Variants in HSPA14 observed in about 807,000 individuals in gnomAD.
The protein encoded by HSPA14 is heat shock 70 kDa protein 14.
HSPA14 carries 37 observed loss-of-function variants against 65.5 expected under a neutral mutation model. The ratio of observed to expected loss-of-function variants is 0.56; its 90% confidence interval spans 0.43 to 0.74. The LOEUF (loss-of-function observed/expected upper bound fraction) is 0.74. Ranked by LOEUF, HSPA14 falls within the 30% of genes least tolerant of loss-of-function variation. The pLI, the probability that HSPA14 is intolerant of heterozygous loss-of-function variation, is 0.00. For synonymous variants in HSPA14, 203 were observed against 214.2 expected, an observed-to-expected ratio of 0.95 and a Z score of 0.46; for missense variants, 564 against 607.6, an observed-to-expected ratio of 0.93 and a Z score of 0.75.
chr10:14,841,818 G>A (rs566969346), intron 3 of HSPA14, among the ~76,000 whole-genome samples: 4 of 152,358 alleles, frequency 2.6e-5, no homozygotes, highest in Admixed American at 6.5e-5. Context: ...CCGTGGTCAT[G>A]CTTGGACTCC....
chr10:14,839,438 G>C (rs1376797715), intron 1 of HSPA14, among the ~76,000 whole-genome samples: 1 of 152,018 alleles, frequency 6.6e-6, no homozygotes, highest in African/African-American at 2.4e-5. Flanking sequence ...AGCCGGGAAC[G>C]CCTGTAATCC....
chr10:14,864,961 C>T (rs1304826039), intron 10 of HSPA14, among the ~76,000 whole-genome samples: 1 of 152,112 alleles, frequency 6.6e-6, no homozygotes, highest in Non-Finnish European at 1.5e-5. Context: ...GTTCCTATTT[C>T]TCCACATCCT....
In HSPA14 at chr10:14,845,163, C is replaced by T. The variant is rs975720359; in HGVS notation, c.222-3446C>T. On this transcript the variant is annotated intron_variant, in intron 3 of 13. Transcript: ENST00000378372. ...GGGGAGAGATGAAGGTGATAAGCCACACTTCCGATTTACTCTAGAAGGGAA... is the reference window on the plus strand; with the variant it reads ...GGGGAGAGATGAAGGTGATAAGCCATACTTCCGATTTACTCTAGAAGGGAA... 1.4e-5 allele frequency: 14 copies of T among 985,332 alleles called. No individual in the cohort carries two copies. The African/African-American group carries it at 2.4e-4, about 17-fold the overall frequency. 61.0% of individuals were successfully genotyped at this position (985,332 alleles called of 1,614,324 possible). A position where few individuals can be genotyped will look rare whatever the true frequency, so the allele number is the denominator to read the frequency against.
At chr10:14,871,460 C>T in intron 13 of HSPA14, 68 bp from the exon 14 acceptor site, 1 of 901,752 alleles carries the variant, frequency 1.1e-6, no homozygotes. Context: ...CCTCAAGTAA[C>T]TTGTTACAGA....
Position 14,838,472 on chromosome 10 carries a change from G to A in HSPA14, c.57+13G>A, listed in dbSNP as rs1237033622. 2 of 1,598,852 alleles carry A rather than the reference G, an allele frequency of 1.3e-6. No individual in the cohort carries two copies. Among genetic ancestry groups the A allele is most frequent in the Non-Finnish European group, 1.7e-6 (2 of 1,174,932 alleles). On this transcript the variant is annotated intron_variant, in intron 1 of 13. Coordinates refer to ENST00000378372, the MANE Select transcript of HSPA14 (RefSeq NM_016299.4). ...GGCCGTCTATAAGGTGAGGGGCTGCGGAGCTGGGCTAGGGCTTCATGACGG... is the reference window on the plus strand; with the variant it reads ...GGCCGTCTATAAGGTGAGGGGCTGCAGAGCTGGGCTAGGGCTTCATGACGG...
At chr10:14,864,202 C>T (rs1443349666) in intron 10 of HSPA14, among the ~76,000 whole-genome samples, 1 of 148,722 alleles carries the variant, frequency 6.7e-6, no homozygotes, top group Admixed American at 6.7e-5. Context: ...GCAACTCCAG[C>T]CCGGGTGACA....
rs758600095 is a variant in HSPA14 at position 14,870,705 on chromosome 10, T to G, written c.1451+38T>G. ...ACTTCTGTTGTTAAGAAAATTCAAT[T>G]TGATACTTGACCATTTTTTGAGTTT... On this transcript the variant is annotated intron_variant, in intron 13 of 13. Coordinates refer to ENST00000378372, the MANE Select transcript of HSPA14 (RefSeq NM_016299.4). The G allele has an allele frequency of 2.7e-6, 4 of 1,484,306 alleles. No homozygotes were observed. The Middle Eastern group carries it at 5.5e-4, about 205-fold the overall frequency. The allele number at this position is 1,484,306 out of a possible 1,614,324, so 91.9% of individuals were successfully genotyped here. A position where few individuals can be genotyped will look rare whatever the true frequency, so the allele number is the denominator to read the frequency against.
chr10:14,850,226 C>T (rs182098360), intron 6 of HSPA14, among the ~76,000 whole-genome samples: 4 of 151,084 alleles, frequency 2.6e-5, no homozygotes, highest in East Asian at 3.9e-4. Context: ...GAGCCAAAGT[C>T]GCGCCACTCC....
chr10:14,865,655 A>T (rs1283085609), intron 10 of HSPA14, among the ~76,000 whole-genome samples: 2 of 152,040 alleles, frequency 1.3e-5, no homozygotes, highest in African/African-American at 2.4e-5. Flanking sequence ...ATTATTTCTG[A>T]GGGCTCTGTT....
intron 3 of HSPA14, chr10:14,843,395 A>T: frequency 6.4e-7 from 1 of 1,550,862 alleles, no homozygotes; most frequent in Non-Finnish European, 8.7e-7. Flanking sequence ...ACCCCCAGCT[A>T]CAGCAGCTCC....
At chr10:14,845,784 ACTC>A (rs1258693368) in intron 3 of HSPA14, 1 of 171,108 alleles carries the variant, frequency 5.8e-6, no homozygotes, top group Non-Finnish European at 1.2e-5. Flanking sequence ...CTAGTCTTGA[ACTC>A]CTGACCTCAG....
intron 10 of HSPA14, among the ~76,000 whole-genome samples, 160 bp from the exon 11 acceptor site, chr10:14,866,921 TTG>T (rs1036532325): frequency 6.6e-6 from 1 of 152,212 alleles, no homozygotes; most frequent in African/African-American, 2.4e-5. Flanking sequence ...AAATATATGT[TTG>T]TGTATTTATA....
In HSPA14 at chr10:14,842,471, C is replaced by T. The variant is rs1444991284; in HGVS notation, c.221+2314C>T. On this transcript the variant is annotated intron_variant, in intron 3 of 13. Transcript: ENST00000378372. This position sits in a 1 kb window ranked among gnomAD's most constrained non-coding sequence, Gnocchi z 5.2. ...CTTCCGCCGCACCGAACGTCAGTGC[C>T]GCTCCAAGTTTAAAGTTCTGAAGGC... 1.8e-5 allele frequency: 28 copies of T among 1,536,014 alleles called. No homozygotes were observed. The highest frequency in any genetic ancestry group is 2.3e-5 in the Non-Finnish European group (26 of 1,146,916).
chr10:14,851,011 T>A (rs1447662405), intron 6 of HSPA14: 3 of 451,842 alleles, frequency 6.6e-6, no homozygotes, highest in Non-Finnish European at 1.2e-5. Context: ...GAATATGGGC[T>A]CTGAACATTA....
chr10:14,857,521 T>C (rs752428987), intron 10 of HSPA14, among the ~76,000 whole-genome samples: 2 of 152,262 alleles, frequency 1.3e-5, no homozygotes, highest in Non-Finnish European at 2.9e-5. Flanking sequence ...AGGATTTTTT[T>C]AAATGTTTAT....
chr10:14,844,442 G>A (rs1378683450), intron 3 of HSPA14: 2 of 991,840 alleles, frequency 2.0e-6, no homozygotes, highest in Non-Finnish European at 2.4e-6. Context: ...CTGCTTCATG[G>A]AGTTTGAAAT....
At chr10:14,850,299 A>G (rs1458017210) in intron 6 of HSPA14, among the ~76,000 whole-genome samples, 1 of 152,078 alleles carries the variant, frequency 6.6e-6, no homozygotes, top group African/African-American at 2.4e-5. Context: ...GAGAACATAA[A>G]ATTAAATATG....
chr10:14,871,433 C>A, intron 13 of HSPA14, 95 bp from the exon 14 acceptor site: 1 of 703,810 alleles, frequency 1.4e-6, no homozygotes, highest in Middle Eastern at 2.4e-4. Flanking sequence ...TAAAATTAAC[C>A]CTTGTTTACT....
In HSPA14 at chr10:14,861,936, C is replaced by T. The variant is rs537305742; in HGVS notation, c.994-5147C>T. On this transcript the variant is annotated intron_variant, in intron 10 of 13. Coordinates refer to ENST00000378372, the MANE Select transcript of HSPA14 (RefSeq NM_016299.4). ...CTGAGGCAGGAGAACCGCTTGAACC[C>T]GGGAGGTGGAGGTTGCAGTGAGCCG... Among the ~76,000 whole-genome samples, 13 of 151,018 alleles carry T rather than the reference C, an allele frequency of 8.6e-5. No homozygotes were observed. In the South Asian group the frequency reaches 1.9e-3, roughly 22 times the overall value.
Sources: gnomAD v4.1 joint callset for allele counts (sites outside exome capture counted in the v4.1 genomes callset) on GRCh38, gnomAD v4.1.1 for gene constraint, Gnocchi (gnomAD v3.1) non-coding constraint, MANE v1.5 for transcripts, NCBI Gene and HGNC (gene_info 2026-07-23, HGNC 2026-07-21) for gene names.